The following ILDR2 variants were observed in gnomAD, a reference collection of about 807,000 sequenced individuals.
ILDR2 encodes the protein immunoglobulin-like domain-containing receptor 2.
Under a neutral mutation model 66.8 loss-of-function variants are expected in ILDR2, and 25 were observed. The observed-to-expected ratio is 0.37, with a 90% CI of 0.27 to 0.52. ILDR2 has a LOEUF of 0.52. ILDR2 is among the 20% of genes least tolerant of loss of function. ILDR2 has a pLI of 0.88. For missense variants in ILDR2, 827 were observed against 876.8 expected (o/e 0.94, Z 0.72); for synonymous variants, 367 against 357.2 (o/e 1.03, Z -0.31).
chr1:166,917,374 T>C lies in ILDR2; in HGVS notation c.*1981A>G, dbSNP rs1466509304. On this transcript the variant is annotated 3_prime_UTR_variant, in exon 10 of 10. Transcript: ENST00000271417. ...TTTTGGAAATGTCATGAAGTACAAA[T>C]GGATACTAGAGGAATGGTACTTTGA... 6.6e-6 allele frequency: 1 copy of C among 152,196 alleles called. No individual in the cohort carries two copies. Among genetic ancestry groups the C allele is most frequent in the Non-Finnish European group, 1.5e-5 (1 of 68,044 alleles). 9.4% of individuals were successfully genotyped at this position (152,196 alleles called of 1,614,324 possible).
In ILDR2 at chr1:166,921,255, C is replaced by T. The variant is rs752278365; in HGVS notation, c.1336G>A (p.Gly446Ser). Reference sequence around the variant, plus strand: ...CCGCCCCGCGCCTCGTGACTGTTGCCGTCTGCCCGGCGGGGCCGCTGGCCG... The same window carrying T: ...CCGCCCCGCGCCTCGTGACTGTTGCTGTCTGCCCGGCGGGGCCGCTGGCCG... Reference protein sequence around the residue: ...SYGQRPRRADGNSHEARGGSR... With the variant: ...SYGQRPRRADSNSHEARGGSR... The change falls in exon 9 of 10, where the codon GGC becomes AGC. Residue 446 changes from glycine (G) to serine (S), a missense_variant. Physicochemically the swap from Gly to Ser is moderately conservative, Grantham distance 56. Around this residue, in one of 2 missense-constraint regions of ILDR2, gnomAD observed 390 missense variants for 353.6 expected, o/e 1.10. Coordinates refer to ENST00000271417, the MANE Select transcript of ILDR2 (RefSeq NM_199351.3). This position sits in a 1 kb window ranked among gnomAD's most constrained non-coding sequence, Gnocchi z 5.3. 2 of 1,599,284 alleles carry T rather than the reference C, an allele frequency of 1.3e-6. No individual in the cohort carries two copies. Among genetic ancestry groups the T allele is most frequent in the East Asian group, 2.2e-5 (1 of 44,602 alleles).
Position 166,941,623 on chromosome 1 carries a change from T to C in ILDR2, c.500-2053A>G, listed in dbSNP as rs72707834. 8.0e-3 allele frequency among the ~76,000 whole-genome samples: 1,226 copies of C among 152,328 alleles called. 9 individuals are homozygous for C. Among genetic ancestry groups the C allele is most frequent in the Admixed American group, 0.012 (190 of 15,308 alleles). ...TCAAGAAGTCAATACATACTGTTTT[T>C]TTAGCAATCCAGTTATCAGATATGT... is the stretch of plus-strand genomic sequence containing the variant. On this transcript the variant is annotated intron_variant, in intron 3 of 9. Transcript: ENST00000271417.
chr1:166,899,931 C>T (rs1168347090), intron 2 of ILDR2, among the ~76,000 whole-genome samples: 4 of 152,286 alleles, frequency 2.6e-5, no homozygotes, highest in African/African-American at 9.6e-5. Flanking sequence ...TCCCTTGATA[C>T]TTTGAGTCAT....
intron 1 of ILDR2, among the ~76,000 whole-genome samples, chr1:166,973,074 G>C (rs1439390423): frequency 6.6e-6 from 1 of 152,170 alleles, no homozygotes; most frequent in Non-Finnish European, 1.5e-5. Flanking sequence ...TGAGGAGAAA[G>C]CAGGAGCAGG....
intron 3 of ILDR2, 26 bp from the exon 4 acceptor site, chr1:166,939,596 A>G (rs767984657): frequency 6.2e-7 from 1 of 1,609,580 alleles, no homozygotes; most frequent in Admixed American, 1.7e-5. Context: ...GGAAAAGAAG[A>G]AGGAAAGTGG....
At position 166,925,600 on chromosome 1, in the gene ILDR2, T is replaced by C. The variant is rs559125523; in HGVS notation, c.994+1467A>G. On this transcript the variant is annotated intron_variant, in intron 7 of 9. Transcript: ENST00000271417. ...GAGCCATCCACAGTTTGCCCAAGAG[T>C]TTCTTCTGGAAAGACCACAGGACTG... Among the ~76,000 whole-genome samples, 7 of 151,932 alleles carry C rather than the reference T, an allele frequency of 4.6e-5. No homozygotes were observed. In the South Asian group the frequency reaches 1.5e-3, roughly 32 times the overall value.
At chr1:166,898,376 G>T (rs754852688) in intron 2 of ILDR2, among the ~76,000 whole-genome samples, 5 of 152,160 alleles carry the variant, frequency 3.3e-5, no homozygotes, top group Non-Finnish European at 7.3e-5. Flanking sequence ...AGATCATTCT[G>T]TGTCTTTGTC....
Position 166,927,092 on chromosome 1 carries a change from A to G in ILDR2, c.969T>C (p.Asp323=). The G allele has an allele frequency of 6.2e-7, 1 of 1,612,246 alleles. No individual in the cohort carries two copies. The highest frequency in any genetic ancestry group is 1.1e-5 in the South Asian group (1 of 90,768). The change falls in exon 7 of 10, where the codon GAT becomes GAC. Residue 323 remains aspartate, a synonymous_variant. Coordinates refer to ENST00000271417, the MANE Select transcript of ILDR2 (RefSeq NM_199351.3). ...ATCTGCCTCTCATCCTTCTGGCTGGATCAAACTGAGCCAGCTCCTTCTCAA... is the reference window on the plus strand; with the variant it reads ...ATCTGCCTCTCATCCTTCTGGCTGGGTCAAACTGAGCCAGCTCCTTCTCAA... The part of the protein sequence containing the change: ...YYVEKELAQF[D]PARRMRGRYN...
Position 166,921,441 on chromosome 1 carries a change from C to T in ILDR2, c.1212-62G>A. ...CCTCCCTGGAGCTCCAGGTAGGGCTCCCAAGAGCACCCATCGTGTCCTGGG... is the reference window on the plus strand; with the variant it reads ...CCTCCCTGGAGCTCCAGGTAGGGCTTCCAAGAGCACCCATCGTGTCCTGGG... On this transcript the variant is annotated intron_variant, in intron 8 of 9. Transcript: ENST00000271417. This position sits in a 1 kb window ranked among gnomAD's most constrained non-coding sequence, Gnocchi z 5.3. 1 of 1,368,542 alleles carries T rather than the reference C, an allele frequency of 7.3e-7. No homozygotes were observed. The highest frequency in any genetic ancestry group is 9.8e-7 in the Non-Finnish European group (1 of 1,016,988). 84.8% of individuals were successfully genotyped at this position (1,368,542 alleles called of 1,614,324 possible).
At position 166,912,769 on chromosome 1, in the gene ILDR2, T is replaced by A. The variant is rs1310516717; in HGVS notation, c.*6586A>T. ...AACAAAGGTTTTTAATTGCCTCCTC[T>A]TAATTATGGTGCTGTGGAATTTCTC... On this transcript the variant is annotated 3_prime_UTR_variant, in exon 10 of 10. Coordinates refer to ENST00000271417, the MANE Select transcript of ILDR2 (RefSeq NM_199351.3). 1 of 152,228 alleles carries A rather than the reference T, an allele frequency of 6.6e-6. No individual in the cohort carries two copies. The highest frequency in any genetic ancestry group is 2.4e-5 in the African/African-American group (1 of 41,464). 9.4% of individuals were successfully genotyped at this position (152,228 alleles called of 1,614,324 possible).
intron 6 of ILDR2, among the ~76,000 whole-genome samples, chr1:166,929,915 A>G (rs555787246): frequency 9.4e-4 from 143 of 152,318 alleles, no homozygotes; most frequent in Non-Finnish European, 1.6e-3. Context: ...AAGGAAAACT[A>G]GCATGTCTGT....
intron 9 of ILDR2, among the ~76,000 whole-genome samples, chr1:166,920,362 C>T (rs1397525214): frequency 6.6e-6 from 1 of 152,120 alleles, no homozygotes; most frequent in Admixed American, 6.5e-5. Flanking sequence ...CACTAAAGGC[C>T]GGTGGTGGTG....
chr1:166,944,069 A>G (rs901790146), intron 3 of ILDR2, among the ~76,000 whole-genome samples: 2 of 152,250 alleles, frequency 1.3e-5, no homozygotes, highest in African/African-American at 4.8e-5. Flanking sequence ...TGCCAGTTCC[A>G]TATCATACTG....
chr1:166,900,012 T>C (rs1388205291), intron 2 of ILDR2, among the ~76,000 whole-genome samples: 1 of 152,200 alleles, frequency 6.6e-6, no homozygotes, highest in Non-Finnish European at 1.5e-5. Flanking sequence ...CCACCTAAAT[T>C]GTGCTGAATC....
intron 1 of ILDR2, among the ~76,000 whole-genome samples, chr1:166,968,746 A>AC (rs1204245276): frequency 6.6e-6 from 1 of 151,650 alleles, no homozygotes; most frequent in East Asian, 1.9e-4. Flanking sequence ...CCTTGCCCTG[A>AC]CCCCCTTGAG....
chr1:166,955,013 G>A (rs1051480794), intron 3 of ILDR2, among the ~76,000 whole-genome samples: 2 of 152,136 alleles, frequency 1.3e-5, no homozygotes, highest in Non-Finnish European at 2.9e-5. Flanking sequence ...CTAATTGTGG[G>A]CTCAATGAGC....
chr1:166,950,601 A>G (rs1661918092), intron 3 of ILDR2, among the ~76,000 whole-genome samples: 1 of 152,108 alleles, frequency 6.6e-6, no homozygotes, highest in Admixed American at 6.5e-5. Flanking sequence ...AAATTCTGAG[A>G]CGTCCCCTCC....
intron 3 of ILDR2, among the ~76,000 whole-genome samples, chr1:166,950,740 C>CACACACAG (rs1345656042): frequency 1.3e-4 from 19 of 151,940 alleles, no homozygotes; most frequent in African/African-American, 4.1e-4. Context: ...CACACACACA[C>CACACACAG]ACACACACAC....
chr1:166,954,294 T>A (rs1662148293), intron 3 of ILDR2, among the ~76,000 whole-genome samples: 1 of 152,180 alleles, frequency 6.6e-6, no homozygotes, highest in South Asian at 2.1e-4. Flanking sequence ...GCCAGCAGGA[T>A]GAAATAATCC....
Sources: gnomAD v4.1 joint callset for allele counts (sites outside exome capture counted in the v4.1 genomes callset) on GRCh38, gnomAD v4.1.1 for gene constraint, gnomAD v4.1.1 regional missense constraint, Gnocchi (gnomAD v3.1) non-coding constraint, MANE v1.5 for transcripts, NCBI Gene and HGNC (gene_info 2026-07-23, HGNC 2026-07-21) for gene names.